WRAP73: variants seen among roughly 807,000 people sequenced by gnomAD.
WRAP73 encodes the protein WD repeat-containing protein WRAP73.
A neutral mutation model predicts 59.6 loss-of-function variants in WRAP73; 55 were observed. That is an observed-to-expected ratio of 0.92 (90% CI 0.74 to 1.15). The LOEUF is 1.15. Among genes scored for constraint, WRAP73 ranks in the 50% most tolerant of loss-of-function variants. The probability of loss-of-function intolerance (pLI) is 0.00; values close to 1 mark genes in which losing one functional copy is unlikely to be tolerated. For missense variants in WRAP73, 592 were observed against 608.1 expected (o/e 0.97, Z 0.28); for synonymous variants, 265 against 258.2 (o/e 1.03, Z -0.25).
intron 3 of WRAP73, among the ~76,000 whole-genome samples, chr1:3,640,461 AGCATCAGCAGG>A (rs1222307504): frequency 1.3e-5 from 2 of 148,428 alleles, no homozygotes; most frequent in East Asian, 2.0e-4. Flanking sequence ...CGAGGCTCTG[AGCATCAGCAGG>A]GCAGGGTGGA....
chr1:3,633,057 C>T (rs1372242083), intron 9 of WRAP73: 8 of 302,670 alleles, frequency 2.6e-5, no homozygotes, highest in African/African-American at 1.6e-4. Context: ...TCGGGAGCAC[C>T]GCCGGGTTCC....
chr1:3,633,309 T>A, intron 9 of WRAP73, 89 bp downstream of exon 9: 13 of 1,297,620 alleles, frequency 1.0e-5, no homozygotes, highest in Non-Finnish European at 1.3e-5. Context: ...TTTTTTTTTT[T>A]AAACATAAGG....
chr1:3,633,807 G>A, intron 8 of WRAP73: 2 of 323,004 alleles, frequency 6.2e-6, no homozygotes, highest in Non-Finnish European at 1.1e-5. Flanking sequence ...AGTGGGCTCA[G>A]CCTTCCCTCC....
intron 6 of WRAP73, chr1:3,635,626 G>T: frequency 4.1e-6 from 2 of 482,066 alleles, no homozygotes; most frequent in South Asian, 4.7e-5. Context: ...TTCAAGAGCA[G>T]TCTGGGCAAC....
At chr1:3,633,686 C>A in intron 8 of WRAP73, 183 bp from the exon 9 acceptor site, 1 of 571,468 alleles carries the variant, frequency 1.7e-6, no homozygotes, top group Non-Finnish European at 3.1e-6. Context: ...ATCACCCAGC[C>A]ACCCTCTCTC....
At chr1:3,649,814 C>T (rs1215317516) in intron 1 of WRAP73, 117 bp downstream of exon 1, 4 of 1,126,072 alleles carry the variant, frequency 3.6e-6, no homozygotes, top group East Asian at 2.9e-5. Context: ...CCTGTCCGGG[C>T]ACCGCACCTG....
At chr1:3,644,738 G>A (rs1397484602) in intron 3 of WRAP73, among the ~76,000 whole-genome samples, 2 of 152,206 alleles carry the variant, frequency 1.3e-5, no homozygotes, top group African/African-American at 4.8e-5. Flanking sequence ...AAATCAGTTT[G>A]TTCTGTAGCA....
chr1:3,638,062 A>C (rs914489370), intron 4 of WRAP73, among the ~76,000 whole-genome samples: 6 of 152,236 alleles, frequency 3.9e-5, no homozygotes, highest in African/African-American at 1.4e-4. Context: ...GTGTGACTGC[A>C]TTGCATTCAA....
chr1:3,646,620 G>A lies in WRAP73; in HGVS notation c.339+46C>T. ...ACTCCCCAGCTGTTTCGAGAGCAGA[G>A]GACAGGATCACATGGCCAGTAAGGT... On this transcript the variant is annotated intron_variant, in intron 3 of 11. Coordinates refer to ENST00000270708, the MANE Select transcript of WRAP73 (RefSeq NM_017818.4). This position sits in a 1 kb window ranked among gnomAD's most constrained non-coding sequence, Gnocchi z 5.1. 1 of 1,523,210 alleles carries A rather than the reference G, an allele frequency of 6.6e-7. No homozygotes were observed. The highest frequency in any genetic ancestry group is 1.1e-5 in the South Asian group (1 of 86,976). 94.4% of individuals were successfully genotyped at this position (1,523,210 alleles called of 1,614,324 possible).
chr1:3,641,532 G>C (rs1228345563), intron 3 of WRAP73, among the ~76,000 whole-genome samples: 1 of 152,238 alleles, frequency 6.6e-6, no homozygotes, highest in African/African-American at 2.4e-5. Context: ...CTGTGCAGAT[G>C]GGATTCCGAG....
In WRAP73 at chr1:3,646,737, C is replaced by T; in HGVS notation, c.268G>A (p.Gly90Ser). The part of the protein sequence containing the change: ...QPEWHCKIDE[G>S]SAGLVASCWS... ...CACGAGGCCACCAGCCCGGCTGAGC[C>T]CTCGTCTATTTTGCAGTGCCATTCG... The change falls in exon 3 of 12, where the codon GGC becomes AGC. Residue 90 changes from glycine (G) to serine (S), a missense_variant. Transcript: ENST00000270708. The surrounding 1 kb of genome is among the most constrained non-coding windows in gnomAD (Gnocchi z 5.1). 1 of 1,611,596 alleles carries T rather than the reference C, an allele frequency of 6.2e-7. No individual in the cohort carries two copies. Among genetic ancestry groups the T allele is most frequent in the South Asian group, 1.1e-5 (1 of 90,966 alleles).
intron 5 of WRAP73, 135 bp downstream of exon 5, chr1:3,636,860 A>G (rs1362678205): frequency 9.7e-6 from 9 of 929,812 alleles, no homozygotes; most frequent in Admixed American, 2.0e-5. Context: ...TTCGCAGCGC[A>G]CCTGCCCTTT....
At chr1:3,641,085 C>T (rs1224742429) in intron 3 of WRAP73, among the ~76,000 whole-genome samples, 1 of 152,250 alleles carries the variant, frequency 6.6e-6, no homozygotes, top group African/African-American at 2.4e-5. Context: ...TTCATCAGCG[C>T]TGTTACCTTC....
chr1:3,644,751 G>A (rs1274828040), intron 3 of WRAP73, among the ~76,000 whole-genome samples: 2 of 152,188 alleles, frequency 1.3e-5, no homozygotes, highest in Non-Finnish European at 2.9e-5. Flanking sequence ...CTGTAGCAAA[G>A]GTGTTTTCAA....
chr1:3,640,774 G>A (rs1446200299), intron 3 of WRAP73, among the ~76,000 whole-genome samples: 1 of 152,068 alleles, frequency 6.6e-6, no homozygotes, highest in Non-Finnish European at 1.5e-5. Context: ...GCAGGGCGGG[G>A]TGCAGCGCCC....
chr1:3,631,208 GC>G, intron 11 of WRAP73, 91 bp from the exon 12 acceptor site: 1 of 1,568,278 alleles, frequency 6.4e-7, no homozygotes, highest in Non-Finnish European at 8.7e-7. Flanking sequence ...CCAGCACAGT[GC>G]CTGGAGTGAC....
chr1:3,649,609 T>G (rs936767258), intron 1 of WRAP73, among the ~76,000 whole-genome samples: 3 of 148,934 alleles, frequency 2.0e-5, no homozygotes, highest in Non-Finnish European at 3.0e-5. Flanking sequence ...GTCCTGCACC[T>G]GTCCGGCCCC....
intron 3 of WRAP73, among the ~76,000 whole-genome samples, chr1:3,644,857 C>A (rs1478387300): frequency 1.3e-5 from 2 of 152,192 alleles, no homozygotes; most frequent in Non-Finnish European, 2.9e-5. Context: ...TCCTTCTGGG[C>A]CATTTAATAA....
In WRAP73 at chr1:3,635,445, A is replaced by G. The variant is rs1644580897; in HGVS notation, c.604-151T>C. 8.0e-6 allele frequency: 8 copies of G among 1,006,250 alleles called. No homozygotes were observed. In the South Asian group the frequency reaches 1.3e-4, roughly 16 times the overall value. 62.3% of individuals were successfully genotyped at this position (1,006,250 alleles called of 1,614,324 possible). On this transcript the variant is annotated intron_variant, in intron 6 of 11. Transcript: ENST00000270708. ...CGTGGAAAAGCTGGAACTGCCAGCT[A>G]GTACTGAGATAGTCACGGAGAGGCA...
Sources: allele counts gnomAD v4.1 joint callset (sites outside exome capture counted in the v4.1 genomes callset), GRCh38; gene constraint gnomAD v4.1.1; non-coding constraint Gnocchi (gnomAD v3.1); transcripts MANE v1.5; gene names NCBI Gene and HGNC (gene_info 2026-07-23, HGNC 2026-07-21).